Variants in CLYBL observed in about 807,000 individuals in gnomAD.
CLYBL encodes citramalyl-CoA lyase, mitochondrial.
CLYBL carries 31 observed loss-of-function variants against 38.9 expected under a neutral mutation model. The observed-to-expected ratio is 0.80, with a 90% CI of 0.60 to 1.08. The LOEUF (loss-of-function observed/expected upper bound fraction) is 1.08, where lower values mean the gene tolerates loss of function less well. CLYBL is among the 50% of genes least tolerant of loss of function. CLYBL has a pLI of 0.00. For synonymous variants in CLYBL, 171 were observed against 158.6 expected, an observed-to-expected ratio of 1.08 and a Z score of -0.59; for missense variants, 434 against 411.6, an observed-to-expected ratio of 1.05 and a Z score of -0.47.
chr13:99,631,790 G>T (rs1159784895), intron 1 of CLYBL, among the ~76,000 whole-genome samples: 2 of 152,022 alleles, frequency 1.3e-5, no homozygotes, highest in African/African-American at 4.8e-5. Flanking sequence ...GTAGAGACGG[G>T]GTTTCACCAT....
chr13:99,631,104 T>C (rs2046937253), intron 1 of CLYBL, among the ~76,000 whole-genome samples: 1 of 152,276 alleles, frequency 6.6e-6, no homozygotes, highest in Admixed American at 6.5e-5. Context: ...GGTGGGTTAC[T>C]TGAGCTCAGG....
At chr13:99,790,264 T>C (rs1392971622) in intron 2 of CLYBL, among the ~76,000 whole-genome samples, 3 of 152,216 alleles carry the variant, frequency 2.0e-5, no homozygotes, top group African/African-American at 7.2e-5. Flanking sequence ...TTATTTTGCC[T>C]GTTAGTTGAT....
At chr13:99,732,475 T>C (rs1016412136) in intron 1 of CLYBL, among the ~76,000 whole-genome samples, 1 of 152,210 alleles carries the variant, frequency 6.6e-6, no homozygotes, top group African/African-American at 2.4e-5. Context: ...CCACTGTGCC[T>C]GGCCTATTTT....
intron 1 of CLYBL, among the ~76,000 whole-genome samples, chr13:99,684,035 AT>A (rs778902077): frequency 1.9e-3 from 161 of 86,374 alleles, no homozygotes; most frequent in African/African-American, 3.6e-3. Context: ...TGCCTGGCTA[AT>A]TTTTTTTTTT....
intron 1 of CLYBL, among the ~76,000 whole-genome samples, chr13:99,677,411 C>T (rs962317869): frequency 6.6e-6 from 1 of 151,768 alleles, no homozygotes; most frequent in Admixed American, 6.6e-5. Flanking sequence ...TCTCAAAACA[C>T]GTGGCTTTTT....
intron 1 of CLYBL, among the ~76,000 whole-genome samples, chr13:99,709,299 A>T (rs957180567): frequency 3.3e-5 from 5 of 152,132 alleles, no homozygotes; most frequent in African/African-American, 1.2e-4. Flanking sequence ...TCAGTTTCAG[A>T]CTTCCAGCCT....
At chr13:99,871,193 C>T (rs2051886272) in intron 7 of CLYBL, 131 bp downstream of exon 7, 1 of 1,012,396 alleles carries the variant, frequency 9.9e-7, no homozygotes, top group Admixed American at 2.1e-5. Context: ...GGAGGGAACA[C>T]AACATTCACC....
At chr13:99,644,024 A>G (rs2047135417) in intron 1 of CLYBL, among the ~76,000 whole-genome samples, 1 of 151,084 alleles carries the variant, frequency 6.6e-6, no homozygotes, top group East Asian at 1.9e-4. Flanking sequence ...AAAAAAAAAA[A>G]AAGAACTGTA....
At chr13:99,668,313 A>G (rs1252951263) in intron 1 of CLYBL, among the ~76,000 whole-genome samples, 1 of 150,840 alleles carries the variant, frequency 6.6e-6, no homozygotes, top group Non-Finnish European at 1.5e-5. Flanking sequence ...GCGGCCGGGC[A>G]TGGTAGCTCA....
At chr13:99,642,281 A>G (rs1345320901) in intron 1 of CLYBL, among the ~76,000 whole-genome samples, 11 of 152,200 alleles carry the variant, frequency 7.2e-5, no homozygotes, top group Admixed American at 3.9e-4. Flanking sequence ...GACCCTGGGC[A>G]CCGAGCATAT....
At chr13:99,625,710 G>T (rs141593843) in intron 1 of CLYBL, among the ~76,000 whole-genome samples, 4 of 152,342 alleles carry the variant, frequency 2.6e-5, no homozygotes, top group African/African-American at 9.6e-5. Context: ...AAACATACCA[G>T]TAGTATGAAG....
chr13:99,620,897 G>C (rs2046785811), intron 1 of CLYBL, among the ~76,000 whole-genome samples: 1 of 152,178 alleles, frequency 6.6e-6, no homozygotes, highest in East Asian at 1.9e-4. Context: ...CTACAAAGGA[G>C]TCAGCCAGTC....
chr13:99,702,460 G>C (rs780585967), intron 1 of CLYBL, among the ~76,000 whole-genome samples: 3 of 151,852 alleles, frequency 2.0e-5, no homozygotes, highest in Non-Finnish European at 4.4e-5. Context: ...GTGAAACCCT[G>C]TCTCTACTAA....
intron 1 of CLYBL, among the ~76,000 whole-genome samples, chr13:99,662,928 C>T (rs925116941): frequency 3.3e-5 from 5 of 152,140 alleles, no homozygotes; most frequent in African/African-American, 7.2e-5. Flanking sequence ...TGCTGAGGTC[C>T]GAGATGGTCA....
chr13:99,659,816 C>T (rs952850019), intron 1 of CLYBL, among the ~76,000 whole-genome samples: 5 of 152,066 alleles, frequency 3.3e-5, no homozygotes, highest in African/African-American at 4.8e-5. Flanking sequence ...ACCTGTTTGG[C>T]GGCATAAATA....
At chr13:99,793,216 C>T (rs764862445) in intron 2 of CLYBL, among the ~76,000 whole-genome samples, 1 of 152,072 alleles carries the variant, frequency 6.6e-6, no homozygotes, top group African/African-American at 2.4e-5. Context: ...CTTCCCACAG[C>T]GAGCCAGTGA....
intron 1 of CLYBL, among the ~76,000 whole-genome samples, chr13:99,623,125 A>G (rs1393804671): frequency 1.3e-5 from 2 of 152,250 alleles, no homozygotes; most frequent in Non-Finnish European, 2.9e-5. Flanking sequence ...GTTTATACCT[A>G]GGAACTGCTG....
At chr13:99,622,736 G>A (rs1407544260) in intron 1 of CLYBL, among the ~76,000 whole-genome samples, 1 of 152,194 alleles carries the variant, frequency 6.6e-6, no homozygotes, top group African/African-American at 2.4e-5. Flanking sequence ...CCACCAGTCT[G>A]TCTTCTGTCT....
At chr13:99,904,857 A>G (rs1007383822) in intron 8 of CLYBL, among the ~76,000 whole-genome samples, 2 of 152,226 alleles carry the variant, frequency 1.3e-5, no homozygotes, top group African/African-American at 4.8e-5. Context: ...TGGGGGTCTC[A>G]AGAGAGCAAA....
Sources: gnomAD v4.1 joint callset for allele counts (sites outside exome capture counted in the v4.1 genomes callset) on GRCh38, gnomAD v4.1.1 for gene constraint, MANE v1.5 for transcripts, NCBI Gene and HGNC (gene_info 2026-07-23, HGNC 2026-07-21) for gene names.